The following DHX16 variants were observed in gnomAD, a reference collection of about 807,000 sequenced individuals.
DHX16 encodes DEAH-box helicase 16.
Under a neutral mutation model 131.2 loss-of-function variants are expected in DHX16, and 81 were observed. That is an observed-to-expected ratio of 0.62 (90% CI 0.52 to 0.74). The LOEUF is 0.74. Among genes scored for constraint, DHX16 ranks in the 30% least tolerant of loss-of-function variants. DHX16 has a pLI of 0.00. For synonymous variants in DHX16, 440 were observed against 520.2 expected, an observed-to-expected ratio of 0.85 and a Z score of 2.10; for missense variants, 980 against 1,363.1, an observed-to-expected ratio of 0.72 and a Z score of 4.43.
rs773616275 is a variant in DHX16, at chr6:30,660,116, A to C, written c.1671T>G (p.Thr557=). The C allele has an allele frequency of 4.3e-6, 7 of 1,612,420 alleles. No individual in the cohort carries two copies. Among genetic ancestry groups the C allele is most frequent in the Non-Finnish European group, 5.9e-6 (7 of 1,179,726 alleles). ...CATCAAAGAAGGTGGAAAAACGGGC[A>C]GTGTCCATTGTGGCTGAAGCCACCA... is the stretch of plus-strand genomic sequence containing the variant. ...KVLVASATMD[T]ARFSTFFDDA... Residue 557 remains threonine (T), a synonymous_variant, in exon 10 of 20, where the codon ACT becomes ACG. Coordinates refer to ENST00000376442, the MANE Select transcript of DHX16 (RefSeq NM_003587.5).
Position 30,665,906 on chromosome 6 carries a change from C to T in DHX16, c.667-173G>A. 6.6e-6 allele frequency among the ~76,000 whole-genome samples: 1 copy of T among 152,164 alleles called. No individual in the cohort carries two copies. The highest frequency in any genetic ancestry group is 1.9e-4 in the East Asian group (1 of 5,198). ...AAACAATGACATACTCAAATCTGGG[C>T]CTCTTTGGATGCTACATGCTGACCC... On this transcript the variant is annotated intron_variant, in intron 4 of 19. Transcript: ENST00000376442. This position sits in a 1 kb window ranked among gnomAD's most constrained non-coding sequence, Gnocchi z 4.8.
Position 30,665,234 on chromosome 6 carries a change from G to C in DHX16, c.962C>G (p.Ala321Gly). 2 of 1,605,420 alleles carry C rather than the reference G, an allele frequency of 1.2e-6. No homozygotes were observed. The highest frequency in any genetic ancestry group is 1.7e-6 in the Non-Finnish European group (2 of 1,179,760). Residue 321 changes from alanine (A) to glycine (G), a missense_variant, in exon 6 of 20, where the codon GCC (alanine) becomes GGC (glycine). Ala to Gly is a moderately conservative substitution (Grantham distance 60, BLOSUM62 0). Around this residue, in one of 3 missense-constraint regions of DHX16, gnomAD observed 457 missense variants for 554.8 expected, o/e 0.82. Transcript: ENST00000376442. The surrounding 1 kb of genome is among the most constrained non-coding windows in gnomAD (Gnocchi z 4.8). ...AVDLVEEESG[A>G]PGEEQRRWEE... The stretch of plus-strand genomic sequence containing the variant: ...CCAGCGCCGCTGCTCCTCCCCAGGG[G>C]CTCCTGATTCCTCCTCCACTAGATC...
Position 30,654,564 on chromosome 6 carries a change from AAAAC to A in DHX16, c.2997+138_2997+141del, listed in dbSNP as rs1036265367. ...GACTCCGTCTCAAAAAAAACAAAAAAAAACAAAGGATGTCTTTCTATTTTACCCT... is the reference window on the plus strand; with the variant it reads ...GACTCCGTCTCAAAAAAAACAAAAAAAAAGGATGTCTTTCTATTTTACCCT... On this transcript the variant is annotated intron_variant, in intron 19 of 19. Coordinates refer to ENST00000376442, the MANE Select transcript of DHX16 (RefSeq NM_003587.5). 2.6e-5 allele frequency: 23 copies of A among 879,352 alleles called. No individual in the cohort carries two copies. The South Asian group carries it at 4.8e-4, about 18-fold the overall frequency. 54.5% of individuals were successfully genotyped at this position (879,352 alleles called of 1,614,324 possible). A position where few individuals can be genotyped will look rare whatever the true frequency, so the allele number is the denominator to read the frequency against.
In DHX16 at chr6:30,662,152, G is replaced by A. The variant is rs1768575084; in HGVS notation, c.1544+475C>T. ...ACCCAGAGTCCAACCACTCTGACAG[G>A]CCCTGCAATCTCCACCACTCTGAGG... On this transcript the variant is annotated intron_variant, in intron 9 of 19. Transcript: ENST00000376442. This position sits in a 1 kb window ranked among gnomAD's most constrained non-coding sequence, Gnocchi z 4.7. Among the ~76,000 whole-genome samples, 2 of 152,048 alleles carry A rather than the reference G, an allele frequency of 1.3e-5. No homozygotes were observed. Among genetic ancestry groups the A allele is most frequent in the African/African-American group, 4.8e-5 (2 of 41,364 alleles).
chr6:30,654,022 G>C (rs1767717465), intron 19 of DHX16, among the ~76,000 whole-genome samples: 1 of 152,132 alleles, frequency 6.6e-6, no homozygotes, highest in Non-Finnish European at 1.5e-5. Context: ...TGGAGGCTGA[G>C]GCAGGGGAAT....
In DHX16 at chr6:30,662,586, G is replaced by A. The variant is rs1212749569; in HGVS notation, c.1544+41C>T. On this transcript the variant is annotated intron_variant, in intron 9 of 19. Transcript: ENST00000376442. This position sits in a 1 kb window ranked among gnomAD's most constrained non-coding sequence, Gnocchi z 4.7. ...TCAGAAGACAATGGCTGAATTGGCT[G>A]GGTGGGAAGAAGGGAGAGAAAGGCC... The A allele has an allele frequency of 1.3e-6, 2 of 1,523,618 alleles. No individual in the cohort carries two copies. The highest frequency in any genetic ancestry group is 2.2e-5 in the East Asian group (1 of 44,458). The allele number at this position is 1,523,618 out of a possible 1,614,324, so 94.4% of individuals were successfully genotyped here.
rs546432151 is a variant in DHX16, at chr6:30,663,551, G to A, written c.1318-530C>T. 1.3e-4 allele frequency among the ~76,000 whole-genome samples: 20 copies of A among 150,416 alleles called. 1 individual carries two copies. The highest frequency in any genetic ancestry group is 2.7e-4 in the African/African-American group (11 of 40,818). On this transcript the variant is annotated intron_variant, in intron 7 of 19. Transcript: ENST00000376442. ...AGCCTGGCCAAAATGGTGAAACCCC[G>A]TCTACTAAAAATACAAAAAATTAGC... is the stretch of plus-strand genomic sequence containing the variant.
Position 30,654,820 on chromosome 6 carries a change from T to C in DHX16, c.2883A>G (p.Thr961=), listed in dbSNP as rs1196440303. The C allele has an allele frequency of 2.5e-6, 4 of 1,612,838 alleles. No homozygotes were observed. The African/African-American group carries it at 5.3e-5, about 22-fold the overall frequency. ...TGAAGACTGTCTGCTGCTGTTTCAC[T>C]GTGCGGTAGCCACTCCGAGTCAACC... The part of the protein sequence containing the change: ...TARLTRSGYR[T]VKQQQTVFIH... The change falls in exon 19 of 20, where the codon ACA becomes ACG. Residue 961 remains threonine (T), a synonymous_variant. Coordinates refer to ENST00000376442, the MANE Select transcript of DHX16 (RefSeq NM_003587.5).
chr6:30,668,260 T>C (rs1331521515), intron 4 of DHX16, among the ~76,000 whole-genome samples: 2 of 152,144 alleles, frequency 1.3e-5, no homozygotes, highest in East Asian at 1.9e-4. Context: ...ATACTACCCA[T>C]AGTATTAACC....
rs1008261453 is a variant in DHX16 at position 30,672,510 on chromosome 6, A to G, written c.207+125T>C. 1.5e-5 allele frequency: 13 copies of G among 872,354 alleles called. No homozygotes were observed. The African/African-American group carries it at 2.0e-4, about 14-fold the overall frequency. 54.0% of individuals were successfully genotyped at this position (872,354 alleles called of 1,614,324 possible). On this transcript the variant is annotated intron_variant, in intron 1 of 19. Coordinates refer to ENST00000376442, the MANE Select transcript of DHX16 (RefSeq NM_003587.5). ...GAGCTGGGCGTCCAGCAGCTAGCAC[A>G]GTACCTACGCGACAACGGACAAAGA...
In DHX16 at chr6:30,665,007, G is replaced by A; in HGVS notation, c.1126-15C>T. 6.2e-7 allele frequency: 1 copy of A among 1,613,820 alleles called. No individual in the cohort carries two copies. Among genetic ancestry groups the A allele is most frequent in the South Asian group, 1.1e-5 (1 of 91,066 alleles). ...GCTGACGGCTCCTAAGGAAAGAGAAGGAGGTGTGAGCTAAATAGCTCGCTA... is the reference window on the plus strand; with the variant it reads ...GCTGACGGCTCCTAAGGAAAGAGAAAGAGGTGTGAGCTAAATAGCTCGCTA... On this transcript the variant is annotated splice_polypyrimidine_tract_variant and intron_variant, in intron 6 of 19. Transcript: ENST00000376442. The surrounding 1 kb of genome is among the most constrained non-coding windows in gnomAD (Gnocchi z 4.8).
intron 12 of DHX16, among the ~76,000 whole-genome samples, chr6:30,657,327 G>T (rs1200884404): frequency 7.1e-6 from 1 of 140,474 alleles, no homozygotes; most frequent in Non-Finnish European, 1.6e-5. Context: ...AGGATTTAGG[G>T]TTTTTTTTTT....
At position 30,671,087 on chromosome 6, in the gene DHX16, C is replaced by T. The variant is rs145669819; in HGVS notation, c.395G>A (p.Arg132His). ...RKKRKHLRKK[R>H]EEEEEEEASE... ...AGCCTCTTCCTCCTCTTCTTCCTCA[C>T]GCTTCTTCCTGAGGTGTTTCCGCTT... The change falls in exon 2 of 20, where the codon CGT (arginine) becomes CAT (histidine). Residue 132 changes from arginine to histidine, a missense_variant. Transcript: ENST00000376442. The T allele has an allele frequency of 9.9e-6, 16 of 1,612,988 alleles. No homozygotes were observed. Among genetic ancestry groups the T allele is most frequent in the South Asian group, 1.1e-5 (1 of 91,088 alleles).
In DHX16 at chr6:30,654,866, C is replaced by A. The variant is rs755613843; in HGVS notation, c.2837G>T (p.Gly946Val). The A allele has an allele frequency of 8.1e-6, 13 of 1,612,110 alleles. No individual in the cohort carries two copies. The highest frequency in any genetic ancestry group is 8.5e-7 in the Non-Finnish European group (1 of 1,179,516). ...CAACCGTGCCGTGTGGTAAAAGTAA[C>A]CAGCAGTGATGGCCTAAGGAGCGGG... ...YIRVRKAITA[G>V]YFYHTARLTR... is the part of the protein sequence containing the mutation. Residue 946 changes from glycine to valine, a missense_variant, in exon 19 of 20, where the codon GGT (glycine) becomes GTT (valine). Gly to Val is a moderately radical substitution (Grantham distance 109). Around this residue, in one of 3 missense-constraint regions of DHX16, gnomAD observed 214 missense variants for 271.2 expected, o/e 0.79. Transcript: ENST00000376442.
chr6:30,658,656 A>T (rs904915970), intron 12 of DHX16, among the ~76,000 whole-genome samples: 2 of 151,850 alleles, frequency 1.3e-5, no homozygotes, highest in Non-Finnish European at 2.9e-5. Context: ...GGCTGCAGTG[A>T]GCCGAGATCT....
In DHX16 at chr6:30,672,903, C is replaced by G. The variant is rs1341137163; in HGVS notation, c.-62G>C. On this transcript the variant is annotated 5_prime_UTR_variant, in exon 1 of 20. Coordinates refer to ENST00000376442, the MANE Select transcript of DHX16 (RefSeq NM_003587.5). ...CGGGCAGCCGCGCTCACTGCTGGGCCGGTCAGAGGCCTGGAGCCCTCGGCT... is the reference window on the plus strand; with the variant it reads ...CGGGCAGCCGCGCTCACTGCTGGGCGGGTCAGAGGCCTGGAGCCCTCGGCT... 6.9e-6 allele frequency: 11 copies of G among 1,598,814 alleles called. No homozygotes were observed. Among genetic ancestry groups the G allele is most frequent in the South Asian group, 1.1e-5 (1 of 89,474 alleles).
At chr6:30,664,722 T>G (rs1768847995) in intron 7 of DHX16, 79 bp downstream of exon 7, 3 of 1,306,196 alleles carry the variant, frequency 2.3e-6, no homozygotes, top group Non-Finnish European at 3.2e-6. Flanking sequence ...ACTAAAAATA[T>G]AATGTAAAAG....
chr6:30,667,602 A>T (rs1769168189), intron 4 of DHX16, among the ~76,000 whole-genome samples: 1 of 150,554 alleles, frequency 6.6e-6, no homozygotes, highest in African/African-American at 2.4e-5. Flanking sequence ...AAAAAAAATC[A>T]CCATTTTGCA....
chr6:30,653,981 T>G (rs958599968), intron 19 of DHX16, among the ~76,000 whole-genome samples: 2 of 151,758 alleles, frequency 1.3e-5, no homozygotes, highest in African/African-American at 4.8e-5. Context: ...TAGCTGGGCG[T>G]GGTGGTGGGC....
Sources: allele counts gnomAD v4.1 joint callset (sites outside exome capture counted in the v4.1 genomes callset), GRCh38; gene constraint gnomAD v4.1.1; regional missense constraint gnomAD v4.1.1; non-coding constraint Gnocchi (gnomAD v3.1); transcripts MANE v1.5; gene names NCBI Gene and HGNC (gene_info 2026-07-23, HGNC 2026-07-21).